BCL11A: variants seen among roughly 807,000 people sequenced by gnomAD.
BCL11A encodes BCL11 transcription factor A.
BCL11A carries 2 observed loss-of-function variants against 55.9 expected under a neutral mutation model. That is an observed-to-expected ratio of 0.04 (90% CI 0.01 to 0.11). The LOEUF (loss-of-function observed/expected upper bound fraction) is 0.11. Among genes scored for constraint, BCL11A ranks in the 10% least tolerant of loss-of-function variants. The probability of loss-of-function intolerance (pLI) is 1.00; values close to 1 mark genes in which losing one functional copy is unlikely to be tolerated. For synonymous variants in BCL11A, 465 were observed against 473.4 expected, an observed-to-expected ratio of 0.98 and a Z score of 0.23; for missense variants, 817 against 1,137.1, an observed-to-expected ratio of 0.72 and a Z score of 4.05.
intron 2 of BCL11A, among the ~76,000 whole-genome samples, chr2:60,494,056 G>C (rs180750686): frequency 1.3e-5 from 2 of 152,250 alleles, no homozygotes; most frequent in East Asian, 3.9e-4. Flanking sequence ...ACAATGCAAG[G>C]GGGAGAAACT....
chr2:60,459,463 G>A lies in BCL11A; in HGVS notation c.*941C>T, dbSNP rs906489304. 4.9e-6 allele frequency: 5 copies of A among 1,020,642 alleles called. No individual in the cohort carries two copies. The Admixed American group carries it at 2.3e-4, about 48-fold the overall frequency. 63.2% of individuals were successfully genotyped at this position (1,020,642 alleles called of 1,614,324 possible). ...CAGGAGCAAAGTAGCTTTTATACTGGTATAATCAGTTTTGTTTATAAAATT... is the reference window on the plus strand; with the variant it reads ...CAGGAGCAAAGTAGCTTTTATACTGATATAATCAGTTTTGTTTATAAAATT... On this transcript the variant is annotated 3_prime_UTR_variant, in exon 4 of 4. Transcript: ENST00000642384.
intron 2 of BCL11A, among the ~76,000 whole-genome samples, chr2:60,517,273 T>C (rs900885182): frequency 6.6e-6 from 1 of 152,112 alleles, no homozygotes; most frequent in African/African-American, 2.4e-5. Context: ...TTATCTCCAG[T>C]TATCTGAATA....
intron 2 of BCL11A, among the ~76,000 whole-genome samples, chr2:60,481,446 C>A (rs1363071136): frequency 3.3e-5 from 5 of 152,136 alleles, no homozygotes. Flanking sequence ...TACACCCCAC[C>A]CACCACAAGC....
rs1457534126 is a variant in BCL11A, at chr2:60,461,796, G to A, written c.1116C>T (p.Pro372=). The stretch of plus-strand genomic sequence containing the variant: ...ACTCGCATGACTTGGACTTGACCGG[G>A]GGCTGGGAGGGAGGAGGGGCGGATT... ...PLQSAPPPSQ[P]PVKSKSCEFC... The change falls in exon 4 of 4, where the codon CCC becomes CCT. Residue 372 remains proline (P), a synonymous_variant. Coordinates refer to ENST00000642384, the MANE Select transcript of BCL11A (RefSeq NM_022893.4). 6.2e-7 allele frequency: 1 copy of A among 1,613,836 alleles called. No individual in the cohort carries two copies. Among genetic ancestry groups the A allele is most frequent in the Admixed American group, 1.7e-5 (1 of 60,016 alleles).
rs1451601984 is a variant in BCL11A at position 60,521,095 on chromosome 2, A to ACT, written c.385+24875_385+24876insAG. ...CACACACACACACACACACACACAC[A>ACT]CACACTCACACACACACACACACAC... On this transcript the variant is annotated intron_variant, in intron 2 of 3. Coordinates refer to ENST00000642384, the MANE Select transcript of BCL11A (RefSeq NM_022893.4). Among the ~76,000 whole-genome samples the ACT allele has an allele frequency of 4.7e-4, 66 of 141,704 alleles. 2 individuals are homozygous for ACT. The highest frequency in any genetic ancestry group is 1.5e-3 in the Admixed American group (22 of 14,800). 93.0% of individuals were successfully genotyped at this position (141,704 alleles called of 152,430 possible).
chr2:60,452,572 TTC>T, downstream of BCL11A: 1 of 1,613,432 alleles, frequency 6.2e-7, no homozygotes. Flanking sequence ...GCTTCAAATT[TTC>T]TCAGAACTTA....
chr2:60,482,559 T>C (rs1678022241), intron 2 of BCL11A, among the ~76,000 whole-genome samples: 1 of 152,232 alleles, frequency 6.6e-6, no homozygotes, highest in African/African-American at 2.4e-5. Flanking sequence ...GATTTGCAGA[T>C]GAATGAGATA....
intron 2 of BCL11A, among the ~76,000 whole-genome samples, chr2:60,491,127 T>C (rs1030776211): frequency 1.3e-5 from 2 of 152,216 alleles, no homozygotes; most frequent in South Asian, 2.1e-4. Context: ...ATCTTCTATA[T>C]GTGAAGCCCA....
chr2:60,495,977 C>G (rs62142645), intron 2 of BCL11A, among the ~76,000 whole-genome samples: 8 of 152,156 alleles, frequency 5.3e-5, no homozygotes, highest in African/African-American at 1.9e-4. Flanking sequence ...TTTAAAACAC[C>G]TAAGAAACAT....
chr2:60,461,739 G>T lies in BCL11A; in HGVS notation c.1173C>A (p.Asn391Lys), dbSNP rs754753303. Residue 391 changes from asparagine to lysine, a missense_variant, in exon 4 of 4, where the codon AAC (asparagine) becomes AAA (lysine). Asn to Lys is a moderately conservative substitution (Grantham distance 94, BLOSUM62 0). This residue lies in a region of BCL11A where 45 missense variants were observed against 109.0 expected (regional missense o/e 0.41). Transcript: ENST00000642384. Reference protein sequence around the residue: ...FCGKTFKFQSNLVVHRRSHTG... With the variant: ...FCGKTFKFQSKLVVHRRSHTG... Reference sequence around the variant, plus strand: ...TGTGGCTGCGCCGGTGCACCACCAGGTTGCTCTGAAATTTGAACGTCTTGC... The same window carrying T: ...TGTGGCTGCGCCGGTGCACCACCAGTTTGCTCTGAAATTTGAACGTCTTGC... 1.2e-6 allele frequency: 2 copies of T among 1,613,730 alleles called. No individual in the cohort carries two copies. The highest frequency in any genetic ancestry group is 1.7e-6 in the Non-Finnish European group (2 of 1,179,992).
chr2:60,527,024 C>G (rs904206532), intron 2 of BCL11A: 2 of 152,240 alleles, frequency 1.3e-5, no homozygotes, highest in African/African-American at 2.4e-5. Flanking sequence ...TGAGGTCTCC[C>G]CGGTTATGGC....
intron 3 of BCL11A, among the ~76,000 whole-genome samples, chr2:60,465,144 CATATT>C (rs1167893927): frequency 6.6e-6 from 1 of 152,148 alleles, no homozygotes; most frequent in African/African-American, 2.4e-5. Flanking sequence ...GCCGGTGTAC[CATATT>C]ATATTACAGT....
At chr2:60,553,066 T>G in intron 1 of BCL11A, 150 bp downstream of exon 1, 1 of 740,350 alleles carries the variant, frequency 1.4e-6, no homozygotes, top group Non-Finnish European at 2.1e-6. Context: ...TTTTCCCCCT[T>G]TATCTCTTTT....
Position 60,458,432 on chromosome 2 carries a change from T to A in BCL11A, c.*1972A>T, listed in dbSNP as rs750595439. ...ATAATGAAGTGTTTTTTAAAAAAAA[T>A]TTTTCTTAACATTTATATTTAAAAA... On this transcript the variant is annotated 3_prime_UTR_variant, in exon 4 of 4. Coordinates refer to ENST00000642384, the MANE Select transcript of BCL11A (RefSeq NM_022893.4). The A allele has an allele frequency of 2.1e-4, 218 of 1,020,110 alleles. No homozygotes were observed. Among genetic ancestry groups the A allele is most frequent in the African/African-American group, 4.3e-4 (25 of 58,580 alleles). The allele number at this position is 1,020,110 out of a possible 1,614,324, so 63.2% of individuals were successfully genotyped here.
rs769582967 is a variant in BCL11A at position 60,468,005 on chromosome 2, GTGA to G, written c.487+724_487+726del. Among the ~76,000 whole-genome samples the G allele has an allele frequency of 5.1e-3, 484 of 93,990 alleles. 15 individuals carry two copies. Among genetic ancestry groups the G allele is most frequent in the East Asian group, 0.013 (36 of 2,716 alleles). 61.7% of individuals were successfully genotyped at this position (93,990 alleles called of 152,430 possible). Reference sequence around the variant, plus strand: ...GATGGTGGTGGTAATGGTGGTGGTGGTGATGGTGGTGGTGGTGGTAGTGGTGGT... The same window carrying G: ...GATGGTGGTGGTAATGGTGGTGGTGGTGGTGGTGGTGGTGGTAGTGGTGGT... On this transcript the variant is annotated intron_variant, in intron 3 of 3. Transcript: ENST00000642384.
At chr2:60,470,394 G>T (rs1382521083) in intron 2 of BCL11A, among the ~76,000 whole-genome samples, 1 of 152,184 alleles carries the variant, frequency 6.6e-6, no homozygotes, top group East Asian at 1.9e-4. Context: ...TTTTCAATGA[G>T]AAATCTGAGA....
In BCL11A at chr2:60,461,469, C is replaced by G. The variant is rs752412163; in HGVS notation, c.1443G>C (p.Glu481Asp). The G allele has an allele frequency of 6.2e-7, 1 of 1,604,694 alleles. No individual in the cohort carries two copies. The highest frequency in any genetic ancestry group is 1.1e-5 in the South Asian group (1 of 91,000). The change falls in exon 4 of 4, where the codon GAG (glutamate) becomes GAC (aspartate). Residue 481 changes from glutamate to aspartate, a missense_variant. This residue lies in a region of BCL11A where 379 missense variants were observed against 425.3 expected (regional missense o/e 0.89). Transcript: ENST00000642384. The part of the protein sequence containing the change: ...KSENDPNLIP[E>D]NGDEEEEEDD... ...CCTCCTCTTCCTCCTCGTCCCCGTT[C>G]TCCGGGATCAGGTTGGGGTCGTTCT...
At chr2:60,516,375 C>T (rs780167401) in intron 2 of BCL11A, among the ~76,000 whole-genome samples, 2 of 152,238 alleles carry the variant, frequency 1.3e-5, no homozygotes, top group African/African-American at 2.4e-5. Flanking sequence ...AACCTTTGTT[C>T]TCCAGATGTC....
intron 1 of BCL11A, among the ~76,000 whole-genome samples, chr2:60,552,340 A>G (rs750323821): frequency 1.2e-4 from 18 of 152,046 alleles, no homozygotes; most frequent in Non-Finnish European, 2.2e-4. Context: ...GCGGCAACCC[A>G]GGAGGCAGCA....
Sources: allele counts gnomAD v4.1 joint callset (sites outside exome capture counted in the v4.1 genomes callset), GRCh38; gene constraint gnomAD v4.1.1; regional missense constraint gnomAD v4.1.1; transcripts MANE v1.5; gene names NCBI Gene and HGNC (gene_info 2026-07-23, HGNC 2026-07-21).